Variants in GRB14 observed in about 807,000 individuals in gnomAD.
The protein encoded by GRB14 is growth factor receptor-bound protein 14.
GRB14 carries 38 observed loss-of-function variants against 69.1 expected under a neutral mutation model. The observed-to-expected ratio is 0.55, with a 90% CI of 0.42 to 0.72. The LOEUF is 0.72. Ranked by LOEUF, GRB14 falls within the 30% of genes least tolerant of loss-of-function variation. The pLI is 0.00. For missense variants in GRB14, 666 were observed against 666.1 expected (o/e 1.00, Z 0.00); for synonymous variants, 247 against 241.3 (o/e 1.02, Z -0.22).
intron 2 of GRB14, among the ~76,000 whole-genome samples, chr2:164,611,046 G>GA (rs575770360): frequency 2.8e-4 from 42 of 151,876 alleles, no homozygotes; most frequent in African/African-American, 9.7e-4. Context: ...CTTGGAGATA[G>GA]AAAAAAAAGT....
intron 8 of GRB14, 131 bp from the exon 9 acceptor site, chr2:164,502,466 A>T: frequency 1.0e-5 from 6 of 576,246 alleles, no homozygotes. Flanking sequence ...AGCAACCAAA[A>T]TTTTGAAAGA....
At chr2:164,533,715 T>C (rs1371536747) in intron 3 of GRB14, among the ~76,000 whole-genome samples, 1 of 152,172 alleles carries the variant, frequency 6.6e-6, no homozygotes, top group Admixed American at 6.5e-5. Flanking sequence ...TCAAACTACA[T>C]TTGAACAGCT....
In GRB14 at chr2:164,543,307, G is replaced by C. The variant is rs943296912; in HGVS notation, c.481+4353C>G. 2.7e-5 allele frequency among the ~76,000 whole-genome samples: 3 copies of C among 111,862 alleles called. No individual in the cohort carries two copies. In the South Asian group the frequency reaches 8.2e-4, roughly 31 times the overall value. 73.4% of individuals were successfully genotyped at this position (111,862 alleles called of 152,430 possible). ...CAGACCAAGACTCTGTCTCAGAAAA[G>C]AAAAAAAAAAAAGTGGTACATATAA... On this transcript the variant is annotated intron_variant, in intron 3 of 13. Coordinates refer to ENST00000263915, the MANE Select transcript of GRB14 (RefSeq NM_004490.3).
At chr2:164,496,696 T>C (rs1686907219) in intron 12 of GRB14, among the ~76,000 whole-genome samples, 1 of 152,208 alleles carries the variant, frequency 6.6e-6, no homozygotes, top group Admixed American at 6.5e-5. Flanking sequence ...AAGAAGTTCA[T>C]TTTCCCCCAT....
intron 2 of GRB14, among the ~76,000 whole-genome samples, chr2:164,581,157 T>G (rs1414018931): frequency 2.0e-5 from 3 of 152,230 alleles, no homozygotes; most frequent in Non-Finnish European, 4.4e-5. Flanking sequence ...ATTAGGAAAT[T>G]TTCCCTTCTT....
chr2:164,567,790 G>A (rs1689016306), intron 2 of GRB14, among the ~76,000 whole-genome samples: 1 of 152,166 alleles, frequency 6.6e-6, no homozygotes, highest in Admixed American at 6.5e-5. Context: ...TTAATGGAAA[G>A]TTTTTCTTAA....
At chr2:164,585,630 T>C (rs898570183) in intron 2 of GRB14, among the ~76,000 whole-genome samples, 13 of 152,178 alleles carry the variant, frequency 8.5e-5, no homozygotes, top group Admixed American at 2.0e-4. Context: ...GTCATGTTAA[T>C]CATGTCACAA....
intron 6 of GRB14, among the ~76,000 whole-genome samples, chr2:164,514,016 T>A (rs1405705012): frequency 1.3e-5 from 2 of 152,234 alleles, no homozygotes; most frequent in Non-Finnish European, 2.9e-5. Context: ...TGATAATGTA[T>A]GTGCATATAA....
At chr2:164,546,138 T>C (rs1394022041) in intron 3 of GRB14, among the ~76,000 whole-genome samples, 1 of 152,160 alleles carries the variant, frequency 6.6e-6, no homozygotes, top group Non-Finnish European at 1.5e-5. Flanking sequence ...TATTATGAAA[T>C]GTATTCTTCC....
intron 2 of GRB14, among the ~76,000 whole-genome samples, chr2:164,569,738 T>G (rs1373319122): frequency 6.6e-6 from 1 of 152,064 alleles, no homozygotes; most frequent in Admixed American, 6.5e-5. Context: ...AAACCAAAAA[T>G]CCCTCAGAAT....
intron 9 of GRB14, among the ~76,000 whole-genome samples, chr2:164,500,455 T>C (rs1358634546): frequency 6.6e-6 from 1 of 152,090 alleles, no homozygotes; most frequent in Non-Finnish European, 1.5e-5. Flanking sequence ...AACTTATATG[T>C]TAATCGCTGA....
At chr2:164,502,745 T>C (rs911983584) in intron 8 of GRB14, among the ~76,000 whole-genome samples, 2 of 152,032 alleles carry the variant, frequency 1.3e-5, no homozygotes, top group African/African-American at 4.8e-5. Context: ...CTGTGCAAAA[T>C]TTATTGTACC....
intron 2 of GRB14, among the ~76,000 whole-genome samples, chr2:164,587,648 C>A (rs1689569993): frequency 6.6e-6 from 1 of 152,076 alleles, no homozygotes. Context: ...GGGAGTCAGG[C>A]CATCAATTAC....
intron 2 of GRB14, among the ~76,000 whole-genome samples, chr2:164,567,897 A>G (rs1222163200): frequency 6.6e-6 from 1 of 152,176 alleles, no homozygotes; most frequent in Non-Finnish European, 1.5e-5. Flanking sequence ...TCTATTCAAC[A>G]ATGAAGAGAT....
At chr2:164,547,040 G>C (rs1163261865) in intron 3 of GRB14, among the ~76,000 whole-genome samples, 1 of 151,940 alleles carries the variant, frequency 6.6e-6, no homozygotes, top group African/African-American at 2.4e-5. Flanking sequence ...GAGCCAAAAA[G>C]AAGGCAATGA....
intron 3 of GRB14, among the ~76,000 whole-genome samples, chr2:164,542,267 A>G (rs1688261435): frequency 6.6e-6 from 1 of 152,202 alleles, no homozygotes. Context: ...CACCACATAC[A>G]AAAATTAGCT....
chr2:164,507,858 T>G (rs1687232934), intron 8 of GRB14, among the ~76,000 whole-genome samples: 1 of 152,220 alleles, frequency 6.6e-6, no homozygotes, highest in Non-Finnish European at 1.5e-5. Flanking sequence ...TCTGCTTTTA[T>G]TTCCTATGAG....
chr2:164,536,715 C>G (rs1688088254), intron 3 of GRB14, among the ~76,000 whole-genome samples: 1 of 152,230 alleles, frequency 6.6e-6, no homozygotes, highest in Non-Finnish European at 1.5e-5. Context: ...TCAAAAGCTG[C>G]ATAACATTAC....
At chr2:164,593,800 CAG>C (rs1689722241) in intron 2 of GRB14, among the ~76,000 whole-genome samples, 1 of 152,114 alleles carries the variant, frequency 6.6e-6, no homozygotes, top group South Asian at 2.1e-4. Flanking sequence ...ACAGAACTAA[CAG>C]AGTCCCTGCA....
Sources: allele counts gnomAD v4.1 joint callset (sites outside exome capture counted in the v4.1 genomes callset), GRCh38; gene constraint gnomAD v4.1.1; transcripts MANE v1.5; gene names NCBI Gene and HGNC (gene_info 2026-07-23, HGNC 2026-07-21).